HMG20A: variants seen among roughly 807,000 people sequenced by gnomAD.
HMG20A encodes high mobility group protein 20A.
Under a neutral mutation model 43.9 loss-of-function variants are expected in HMG20A, and 17 were observed. The observed-to-expected ratio is 0.39, with a 90% CI of 0.27 to 0.58. The LOEUF (loss-of-function observed/expected upper bound fraction) is 0.58. Ranked by LOEUF, HMG20A falls within the 20% of genes least tolerant of loss-of-function variation. HMG20A has a pLI of 0.59. For synonymous variants in HMG20A, 132 were observed against 147.5 expected, an observed-to-expected ratio of 0.89 and a Z score of 0.76; for missense variants, 341 against 438.2, an observed-to-expected ratio of 0.78 and a Z score of 1.98.
rs1178025618 is a variant in HMG20A at position 77,465,662 on chromosome 15, TG to T, written c.237+1278del. 3.3e-5 allele frequency among the ~76,000 whole-genome samples: 5 copies of T among 152,326 alleles called. No individual in the cohort carries two copies. The South Asian group carries it at 8.3e-4, about 25-fold the overall frequency. ...CGCCTGCCTTGGCCCTCCAAAGTGC[TG>T]GGATTACAGGTGTGAACCACCGTGC... On this transcript the variant is annotated intron_variant, in intron 3 of 9. Coordinates refer to ENST00000336216, the MANE Select transcript of HMG20A (RefSeq NM_001304504.2).
chr15:77,438,137 A>ATTTTTTTT (rs34192592), intron 1 of HMG20A, among the ~76,000 whole-genome samples: 1 of 113,456 alleles, frequency 8.8e-6, no homozygotes, highest in African/African-American at 3.4e-5. Flanking sequence ...TTTAGTTTTA[A>ATTTTTTTT]TTTTTTTTTT....
the HMG20A span, among the ~76,000 whole-genome samples, chr15:77,497,799 G>A: frequency 1.6e-4 from 24 of 151,608 alleles, no homozygotes; most frequent in African/African-American, 5.6e-4. Context: ...CTGCAAAAAG[G>A]CACAAAACAA....
At chr15:77,514,810 C>CGGGGCAGGCAGACCAGTCATGAGGCTGCT in the HMG20A span, among the ~76,000 whole-genome samples, 3 of 152,290 alleles carry the variant, frequency 2.0e-5, no homozygotes, top group African/African-American at 7.2e-5. Flanking sequence ...GGGCCCGAGT[C>CGGGGCAGGCAGACCAGTCATGAGGCTGCT]GGGGCAGGCA....
At chr15:77,515,589 C>T in the HMG20A span, among the ~76,000 whole-genome samples, 1 of 151,926 alleles carries the variant, frequency 6.6e-6, no homozygotes, top group African/African-American at 2.4e-5. Flanking sequence ...CATGCCTCGC[C>T]TGAAAACTGC....
At chr15:77,469,755 C>T (rs1567404671) in intron 4 of HMG20A, among the ~76,000 whole-genome samples, 1 of 152,160 alleles carries the variant, frequency 6.6e-6, no homozygotes, top group African/African-American at 2.4e-5. Flanking sequence ...GCAACCTCCA[C>T]CTCCCAGGTT....
At chr15:77,458,542 A>G (rs779720931) in intron 2 of HMG20A, 46 bp downstream of exon 2, 23 of 1,294,292 alleles carry the variant, frequency 1.8e-5, no homozygotes, top group Non-Finnish European at 7.8e-6. Flanking sequence ...AGGCCTCAAA[A>G]CAAAGCTTCT....
the HMG20A span, among the ~76,000 whole-genome samples, chr15:77,493,941 A>G: frequency 6.6e-6 from 1 of 152,166 alleles, no homozygotes; most frequent in Non-Finnish European, 1.5e-5. Flanking sequence ...ATTTATATTG[A>G]CAATTCTAGA....
the HMG20A span, among the ~76,000 whole-genome samples, chr15:77,516,019 G>A: frequency 6.6e-6 from 1 of 152,294 alleles, no homozygotes; most frequent in African/African-American, 2.4e-5. Flanking sequence ...GGCCACCCAG[G>A]GAGGCATCAA....
chr15:77,502,569 A>G, the HMG20A span, among the ~76,000 whole-genome samples: 4 of 152,206 alleles, frequency 2.6e-5, no homozygotes, highest in African/African-American at 9.6e-5. Context: ...TGTATGTCAC[A>G]TGTCCTGTCC....
chr15:77,422,518 A>G (rs1444060835), intron 1 of HMG20A, among the ~76,000 whole-genome samples: 1 of 152,158 alleles, frequency 6.6e-6, no homozygotes, highest in African/African-American at 2.4e-5. Context: ...CAGGAGGCTG[A>G]GGCAGGAGAA....
chr15:77,499,109 C>A, the HMG20A span, among the ~76,000 whole-genome samples: 2 of 152,174 alleles, frequency 1.3e-5, no homozygotes, highest in Admixed American at 1.3e-4. Flanking sequence ...ATAAATGAAG[C>A]ACATACTATT....
chr15:77,430,785 T>C (rs1195565449), intron 1 of HMG20A, among the ~76,000 whole-genome samples: 2 of 152,236 alleles, frequency 1.3e-5, no homozygotes, highest in Admixed American at 6.5e-5. Flanking sequence ...AGTTAATTTG[T>C]ATTGCTTTAA....
At position 77,483,748 on chromosome 15, in the gene HMG20A, C is replaced by T. The variant is rs1052846881; in HGVS notation, c.*785C>T. ...CACAGACATGGAGTCCCAGCCCCAGCAAGGCTCTTCTGTTCCCATCTGTTG... is the reference window on the plus strand; with the variant it reads ...CACAGACATGGAGTCCCAGCCCCAGTAAGGCTCTTCTGTTCCCATCTGTTG... On this transcript the variant is annotated 3_prime_UTR_variant, in exon 10 of 10. Transcript: ENST00000336216. 1 of 152,698 alleles carries T rather than the reference C, an allele frequency of 6.5e-6. No individual in the cohort carries two copies. The highest frequency in any genetic ancestry group is 1.5e-5 in the Non-Finnish European group (1 of 68,082). 9.5% of individuals were successfully genotyped at this position (152,698 alleles called of 1,614,324 possible).
intron 6 of HMG20A, among the ~76,000 whole-genome samples, chr15:77,472,165 C>A (rs1374447767): frequency 6.6e-6 from 1 of 152,192 alleles, no homozygotes; most frequent in African/African-American, 2.4e-5. Flanking sequence ...AAATCTGACT[C>A]TCAGAAAAGT....
chr15:77,474,033 GT>G (rs1231847354), intron 6 of HMG20A, among the ~76,000 whole-genome samples: 2 of 152,146 alleles, frequency 1.3e-5, no homozygotes, highest in African/African-American at 2.4e-5. Context: ...TTTTAAAACT[GT>G]TTTTAAACAC....
intron 1 of HMG20A, among the ~76,000 whole-genome samples, chr15:77,434,735 T>A (rs1325150896): frequency 6.6e-6 from 1 of 152,116 alleles, no homozygotes; most frequent in Non-Finnish European, 1.5e-5. Context: ...ATTAAAAAGA[T>A]TGAGAATATC....
At chr15:77,518,726 C>T in the HMG20A span, among the ~76,000 whole-genome samples, 663 of 152,296 alleles carry the variant, frequency 4.4e-3, 6 homozygotes, top group African/African-American at 0.015. Context: ...AGGGACTGGG[C>T]TTCTCTACAC....
the HMG20A span, among the ~76,000 whole-genome samples, chr15:77,499,682 A>G: frequency 2.0e-5 from 3 of 152,120 alleles, no homozygotes; most frequent in Non-Finnish European, 4.4e-5. Flanking sequence ...TTTTGCTATT[A>G]ACTAGTTCTA....
At chr15:77,423,481 C>T (rs1459594641) in intron 1 of HMG20A, among the ~76,000 whole-genome samples, 1 of 151,992 alleles carries the variant, frequency 6.6e-6, no homozygotes, top group Non-Finnish European at 1.5e-5. Flanking sequence ...ACTGTTACTT[C>T]AAGTTAATGA....
Sources: gnomAD v4.1 joint callset for allele counts (sites outside exome capture counted in the v4.1 genomes callset) on GRCh38, gnomAD v4.1.1 for gene constraint, MANE v1.5 for transcripts, NCBI Gene and HGNC (gene_info 2026-07-23, HGNC 2026-07-21) for gene names.